The following FAM227B variants were observed in gnomAD, a reference collection of about 807,000 sequenced individuals.
The protein encoded by FAM227B is protein FAM227B.
FAM227B carries 88 observed loss-of-function variants against 73.8 expected under a neutral mutation model. That is an observed-to-expected ratio of 1.19 (90% CI 1.00 to 1.42). FAM227B has a LOEUF of 1.42. FAM227B is among the 40% of genes most tolerant of loss of function. The pLI, the probability that FAM227B is intolerant of heterozygous loss-of-function variation, is 0.00. For missense variants in FAM227B, 632 were observed against 590.9 expected (o/e 1.07, Z -0.72); for synonymous variants, 210 against 190.5 (o/e 1.10, Z -0.84).
intron 10 of FAM227B, among the ~76,000 whole-genome samples, chr15:49,522,816 T>C (rs1413406491): frequency 6.6e-6 from 1 of 152,156 alleles, no homozygotes; most frequent in Non-Finnish European, 1.5e-5. Flanking sequence ...CTATGACTTA[T>C]AGACATTTCT....
intron 10 of FAM227B, among the ~76,000 whole-genome samples, chr15:49,523,942 T>C (rs1275757309): frequency 6.6e-6 from 1 of 152,138 alleles, no homozygotes; most frequent in African/African-American, 2.4e-5. Context: ...CAGAAGAAAT[T>C]TCTAAGCAGC....
At chr15:49,409,975 A>G (rs1449644241) in intron 11 of FAM227B, among the ~76,000 whole-genome samples, 1 of 152,124 alleles carries the variant, frequency 6.6e-6, no homozygotes, top group Non-Finnish European at 1.5e-5. Context: ...GTTTATTAGG[A>G]TCATTCAGGC....
chr15:49,446,062 T>C (rs1165244720), intron 11 of FAM227B, among the ~76,000 whole-genome samples: 3 of 151,606 alleles, frequency 2.0e-5, no homozygotes, highest in African/African-American at 7.2e-5. Context: ...GGTGTATTTC[T>C]AAATAACAAT....
chr15:49,546,228 AAC>A (rs2071854842), intron 9 of FAM227B, among the ~76,000 whole-genome samples: 1 of 151,970 alleles, frequency 6.6e-6, no homozygotes, highest in Admixed American at 6.6e-5. Flanking sequence ...TTGTCCTTGC[AAC>A]AGTTTGCTGA....
At chr15:49,505,521 G>T (rs981698327) in intron 11 of FAM227B, among the ~76,000 whole-genome samples, 7 of 152,036 alleles carry the variant, frequency 4.6e-5, no homozygotes, top group Admixed American at 2.6e-4. Flanking sequence ...AGACACGGGG[G>T]TGTATATGTA....
chr15:49,542,722 A>C, intron 9 of FAM227B, among the ~76,000 whole-genome samples: 1 of 149,296 alleles, frequency 6.7e-6, no homozygotes, highest in Admixed American at 6.7e-5. Flanking sequence ...ATATATATAT[A>C]TATAATTAAA....
intron 11 of FAM227B, among the ~76,000 whole-genome samples, chr15:49,452,970 T>C (rs184178053): frequency 9.6e-4 from 146 of 152,276 alleles, no homozygotes; most frequent in African/African-American, 3.3e-3. Context: ...AGGTTTTCCT[T>C]CCATAGGGCC....
chr15:49,340,281 C>A (rs1022096509), intron 13 of FAM227B, among the ~76,000 whole-genome samples: 2 of 152,118 alleles, frequency 1.3e-5, no homozygotes, highest in African/African-American at 4.8e-5. Context: ...CTGCAGGTTG[C>A]GAAGACCATG....
chr15:49,451,744 A>T (rs1407236021), intron 11 of FAM227B, among the ~76,000 whole-genome samples: 3 of 152,104 alleles, frequency 2.0e-5, no homozygotes, highest in African/African-American at 7.2e-5. Context: ...GGGGATTAAT[A>T]CTCCTAAATT....
At chr15:49,582,725 A>G (rs921691801) in intron 5 of FAM227B, among the ~76,000 whole-genome samples, 3 of 152,346 alleles carry the variant, frequency 2.0e-5, no homozygotes, top group Middle Eastern at 3.4e-3. Flanking sequence ...TCACATAATC[A>G]GAAGTAAAAC....
intron 13 of FAM227B, among the ~76,000 whole-genome samples, chr15:49,360,870 G>A (rs2044103278): frequency 6.6e-6 from 1 of 152,154 alleles, no homozygotes; most frequent in Admixed American, 6.5e-5. Context: ...CTCCTGTGAT[G>A]TGAAATTTCA....
intron 13 of FAM227B, chr15:49,365,755 T>A (rs2045055171): frequency 2.3e-6 from 2 of 865,484 alleles, no homozygotes; most frequent in African/African-American, 3.3e-5. Flanking sequence ...AGCCCACCTG[T>A]CTTCATTTTG....
chr15:49,487,286 T>C (rs1197554882), intron 11 of FAM227B: 1 of 151,674 alleles, frequency 6.6e-6, no homozygotes, highest in Non-Finnish European at 1.5e-5. Context: ...AAAATGTTCT[T>C]TGAAAGATAA....
At chr15:49,393,103 C>T (rs1420224896) in intron 11 of FAM227B, among the ~76,000 whole-genome samples, 2 of 152,060 alleles carry the variant, frequency 1.3e-5, no homozygotes, top group East Asian at 1.9e-4. Context: ...ACATTTAAAA[C>T]CTTGAAATAA....
intron 1 of FAM227B, among the ~76,000 whole-genome samples, chr15:49,618,045 T>G (rs765409874): frequency 1.3e-5 from 2 of 152,084 alleles, no homozygotes; most frequent in African/African-American, 4.8e-5. Context: ...TAAGAACTCT[T>G]TGATTATGTC....
At chr15:49,465,960 C>A in intron 11 of FAM227B, among the ~76,000 whole-genome samples, 1 of 152,064 alleles carries the variant, frequency 6.6e-6, no homozygotes, top group Non-Finnish European at 1.5e-5. Flanking sequence ...TGGGGGTTAG[C>A]TGAAGCATAA....
intron 11 of FAM227B, among the ~76,000 whole-genome samples, chr15:49,479,411 A>G (rs1268719903): frequency 1.3e-5 from 2 of 152,126 alleles, no homozygotes; most frequent in Non-Finnish European, 2.9e-5. Flanking sequence ...GAAATCCACA[A>G]AGAAAGACAG....
intron 11 of FAM227B, among the ~76,000 whole-genome samples, chr15:49,398,188 G>C (rs891254574): frequency 6.6e-6 from 1 of 151,960 alleles, no homozygotes; most frequent in Non-Finnish European, 1.5e-5. Flanking sequence ...AAAAGGCAGG[G>C]GTTGCAATCC....
intron 9 of FAM227B, among the ~76,000 whole-genome samples, chr15:49,565,831 C>A (rs778277966): frequency 1.1e-4 from 16 of 152,130 alleles, no homozygotes; most frequent in Middle Eastern, 6.8e-3. Context: ...TGTAAGAGGG[C>A]AGCTGAGGGA....
Sources: allele counts gnomAD v4.1 joint callset (sites outside exome capture counted in the v4.1 genomes callset), GRCh38; gene constraint gnomAD v4.1.1; transcripts MANE v1.5; gene names NCBI Gene and HGNC (gene_info 2026-07-23, HGNC 2026-07-21).